The following HPGDS variants were observed in gnomAD, a reference collection of about 807,000 sequenced individuals.
HPGDS encodes the protein GST class-sigma.
In HPGDS, 26 loss-of-function variants were observed where a neutral mutation model predicts 23.1. That is an observed-to-expected ratio of 1.13 (90% CI 0.83 to 1.56). The LOEUF (loss-of-function observed/expected upper bound fraction) is 1.56, where lower values mean the gene tolerates loss of function less well. Among genes scored for constraint, HPGDS ranks in the 40% most tolerant of loss-of-function variants. HPGDS has a pLI of 0.00. For synonymous variants in HPGDS, 95 were observed against 77.9 expected (o/e 1.22, Z -1.16); for missense variants, 268 against 236.4 (o/e 1.13, Z -0.88).
At chr4:94,336,940 T>A (rs974855783) in intron 1 of HPGDS, among the ~76,000 whole-genome samples, 1 of 117,624 alleles carries the variant, frequency 8.5e-6, no homozygotes, top group African/African-American at 3.8e-5. Flanking sequence ...TGGTTTCTAT[T>A]TGGTGTTTCG....
At chr4:94,322,386 T>A (rs996351312) in intron 2 of HPGDS, among the ~76,000 whole-genome samples, 1 of 152,222 alleles carries the variant, frequency 6.6e-6, no homozygotes, top group African/African-American at 2.4e-5. Context: ...TGAATCCACC[T>A]GGTCCTGGAC....
chr4:94,308,836 C>T, intron 3 of HPGDS, 93 bp from the exon 4 acceptor site: 1 of 630,106 alleles, frequency 1.6e-6, no homozygotes, highest in Non-Finnish European at 2.8e-6. Context: ...GTTGAAAATT[C>T]AAAGAGTGTA....
chr4:94,300,535 C>A (rs1756019850), intron 5 of HPGDS, among the ~76,000 whole-genome samples: 1 of 152,104 alleles, frequency 6.6e-6, no homozygotes, highest in South Asian at 2.1e-4. Context: ...ATCTGTCAGC[C>A]AAGAGAAGCT....
At chr4:94,309,420 G>T (rs1756213413) in intron 3 of HPGDS, among the ~76,000 whole-genome samples, 1 of 151,862 alleles carries the variant, frequency 6.6e-6, no homozygotes, top group African/African-American at 2.4e-5. Context: ...GAGAATGATG[G>T]TTTCCAGCTT....
intron 2 of HPGDS, among the ~76,000 whole-genome samples, chr4:94,320,726 A>G (rs913128043): frequency 3.3e-5 from 5 of 152,028 alleles, no homozygotes; most frequent in African/African-American, 1.2e-4. Flanking sequence ...TGTTCACTCT[A>G]ATGGTAGTTT....
chr4:94,311,376 C>T (rs988770956), intron 3 of HPGDS, among the ~76,000 whole-genome samples: 4 of 151,280 alleles, frequency 2.6e-5, no homozygotes, highest in African/African-American at 9.8e-5. Flanking sequence ...AAGGCCTTTT[C>T]TGCATCTATT....
At chr4:94,332,961 T>C (rs1403653933) in intron 2 of HPGDS, among the ~76,000 whole-genome samples, 1 of 152,202 alleles carries the variant, frequency 6.6e-6, no homozygotes, top group Non-Finnish European at 1.5e-5. Flanking sequence ...TTTTTTAAAG[T>C]ACTTCAGTGT....
chr4:94,312,631 G>T (rs1002265906), intron 3 of HPGDS, among the ~76,000 whole-genome samples: 13 of 152,176 alleles, frequency 8.5e-5, no homozygotes, highest in African/African-American at 3.1e-4. Context: ...TTGGGGTGGA[G>T]AGTTCTGTAG....
intron 3 of HPGDS, among the ~76,000 whole-genome samples, chr4:94,314,105 A>T (rs1756340767): frequency 6.6e-6 from 1 of 152,022 alleles, no homozygotes; most frequent in South Asian, 2.1e-4. Flanking sequence ...TAGCTCGGAG[A>T]AGTTTGATCA....
chr4:94,325,039 G>A lies in HPGDS; in HGVS notation c.134-7074C>T, dbSNP rs530149073. On this transcript the variant is annotated intron_variant, in intron 2 of 5. Coordinates refer to ENST00000295256, the MANE Select transcript of HPGDS (RefSeq NM_014485.3). ...GTCCCTCAGCTGCAGGTCTGCTGGA[G>A]TTTGCTGGAGGTCCACTCCAGACCC... 3.9e-5 allele frequency among the ~76,000 whole-genome samples: 6 copies of A among 152,326 alleles called. No individual in the cohort carries two copies. The South Asian group carries it at 1.2e-3, about 32-fold the overall frequency.
intron 2 of HPGDS, among the ~76,000 whole-genome samples, chr4:94,331,131 C>T (rs1391188793): frequency 6.6e-6 from 1 of 152,226 alleles, no homozygotes; most frequent in African/African-American, 2.4e-5. Context: ...GGCCAAGACT[C>T]AGCTCTTCTT....
At chr4:94,339,867 G>A (rs1297424854) in intron 1 of HPGDS, among the ~76,000 whole-genome samples, 1 of 152,114 alleles carries the variant, frequency 6.6e-6, no homozygotes, top group African/African-American at 2.4e-5. Flanking sequence ...TAGTAAATAA[G>A]TCTCACGAGA....
At chr4:94,320,401 C>T (rs959393965) in intron 2 of HPGDS, among the ~76,000 whole-genome samples, 1 of 152,160 alleles carries the variant, frequency 6.6e-6, no homozygotes, top group African/African-American at 2.4e-5. Context: ...GTTCCTATTT[C>T]TCCACACCCT....
At chr4:94,332,680 G>A (rs1462094770) in intron 2 of HPGDS, among the ~76,000 whole-genome samples, 3 of 152,222 alleles carry the variant, frequency 2.0e-5, no homozygotes, top group Non-Finnish European at 4.4e-5. Flanking sequence ...TCACAAGTCC[G>A]ACAAAGGGGT....
At chr4:94,340,314 T>TTTC (rs1560598050) in intron 1 of HPGDS, among the ~76,000 whole-genome samples, 4 of 11,086 alleles carry the variant, frequency 3.6e-4, no homozygotes, top group Admixed American at 9.6e-4. Flanking sequence ...TCTTTCTCTT[T>TTTC]TTTTTTTTTT....
chr4:94,323,187 G>T (rs1340043303), intron 2 of HPGDS, among the ~76,000 whole-genome samples: 1 of 152,186 alleles, frequency 6.6e-6, no homozygotes, highest in African/African-American at 2.4e-5. Flanking sequence ...TTCCAACTAT[G>T]TGGTCAATTT....
At chr4:94,341,749 A>G (rs1440259327) in intron 1 of HPGDS, among the ~76,000 whole-genome samples, 1 of 152,220 alleles carries the variant, frequency 6.6e-6, no homozygotes, top group Non-Finnish European at 1.5e-5. Context: ...TTTAAGATGC[A>G]GATCTTAACT....
intron 1 of HPGDS, among the ~76,000 whole-genome samples, chr4:94,339,678 C>T (rs780755064): frequency 2.0e-5 from 3 of 151,930 alleles, no homozygotes; most frequent in Non-Finnish European, 4.4e-5. Context: ...TACTTCCTTT[C>T]TTTCTCTTTC....
chr4:94,320,194 C>T (rs1275391414), intron 2 of HPGDS, among the ~76,000 whole-genome samples: 2 of 152,126 alleles, frequency 1.3e-5, no homozygotes, highest in African/African-American at 4.8e-5. Context: ...CAAGTCTTTA[C>T]TATTGTTAAT....
Sources: gnomAD v4.1 joint callset for allele counts (sites outside exome capture counted in the v4.1 genomes callset) on GRCh38, gnomAD v4.1.1 for gene constraint, MANE v1.5 for transcripts, NCBI Gene and HGNC (gene_info 2026-07-23, HGNC 2026-07-21) for gene names.